TTN: variants seen among roughly 807,000 people sequenced by gnomAD.
TTN encodes connectin.
Under a neutral mutation model 3,223.0 loss-of-function variants are expected in TTN, and 1,525 were observed. The ratio of observed to expected loss-of-function variants is 0.47; its 90% confidence interval spans 0.45 to 0.49. The LOEUF (loss-of-function observed/expected upper bound fraction) is 0.49. Ranked by LOEUF, TTN falls within the 20% of genes least tolerant of loss-of-function variation. The pLI is 0.00. For missense variants in TTN, 40,786 were observed against 43,424.0 expected (o/e 0.94, Z 5.40); for synonymous variants, 14,094 against 15,161.0 (o/e 0.93, Z 5.17).
chr2:178,764,867 A>G, intron 41 of TTN, 56 bp from the exon 42 acceptor site: 1 of 1,598,456 alleles, frequency 6.3e-7, no homozygotes, highest in Non-Finnish European at 8.5e-7. Context: ...ACAAGAGAGC[A>G]TGCAAAACTC....
At position 178,715,745 on chromosome 2, in the gene TTN, G is replaced by T; in HGVS notation, c.25669C>A (p.Pro8557Thr). Residue 8557 changes from proline (P) to threonine (T), a missense_variant, in exon 89 of 363, where the codon CCT (proline) becomes ACT (threonine). By Grantham distance (38) the Pro-to-Thr change is conservative. Transcript: ENST00000589042. ...EPPRFIKKLE[P>T]SRIVKQDEFT... ...TCATCCTGTTTCACAATTCTTGAAG[G>T]TTCTAGCTTCTTAATGAACCTGGGT... The T allele has an allele frequency of 6.3e-7, 1 of 1,590,018 alleles. No individual in the cohort carries two copies. The highest frequency in any genetic ancestry group is 8.6e-7 in the Non-Finnish European group (1 of 1,166,648).
chr2:178,792,090 T>A lies in TTN; in HGVS notation c.1644A>T (p.Lys548Asn). Residue 548 changes from lysine (K) to asparagine (N), a missense_variant, in exon 10 of 363, where the codon AAA becomes AAT. By Grantham distance (94) the Lys-to-Asn change is moderately conservative (BLOSUM62 0). Transcript: ENST00000589042. ...RISEEITKKQKQVTQEAIRQE... is the reference protein window; with the variant it reads ...RISEEITKKQNQVTQEAIRQE... ...GACTTACTGCTTCTTGAGTTACTTG[T>A]TTCTGTTTCTTAGTAATTTCTTCAG... 6.2e-7 allele frequency: 1 copy of A among 1,612,670 alleles called. No individual in the cohort carries two copies.
chr2:178,651,655 G>A lies in TTN; in HGVS notation c.39463+11C>T, dbSNP rs767146567. 14 of 1,613,156 alleles carry A rather than the reference G, an allele frequency of 8.7e-6. No individual in the cohort carries two copies. The highest frequency in any genetic ancestry group is 1.2e-5 in the Non-Finnish European group (14 of 1,179,506). On this transcript the variant is annotated intron_variant, in intron 206 of 362. Coordinates refer to ENST00000589042, the MANE Select transcript of TTN (RefSeq NM_001267550.2). ...GTTTTTTGTTAGGGAGTTAGTGGCA[G>A]TGAGGAATACCTTTCACTGGTGGTA... is the stretch of plus-strand genomic sequence containing the variant.
rs776957882 is a variant in TTN, at chr2:178,603,885, C to A, written c.54802G>T (p.Asp18268Tyr). ...SEPSDPEVAG[D>Y]PIFPPGPPSC... Reference sequence around the variant, plus strand: ...ACGGAAGCATACTTACATATGGGATCTCCTGCAACCTCTGGATCTGATGGT... The same window carrying A: ...ACGGAAGCATACTTACATATGGGATATCCTGCAACCTCTGGATCTGATGGT... The change falls in exon 282 of 363, where the codon GAT becomes TAT. Residue 18268 changes from aspartate to tyrosine, a missense_variant. By Grantham distance (160) the Asp-to-Tyr change is radical. Transcript: ENST00000589042. 1 of 1,582,386 alleles carries A rather than the reference C, an allele frequency of 6.3e-7. No homozygotes were observed. The highest frequency in any genetic ancestry group is 2.3e-5 in the East Asian group (1 of 44,046).
chr2:178,667,733 T>G lies in TTN; in HGVS notation c.35546-12A>C. The G allele has an allele frequency of 1.3e-6, 2 of 1,515,768 alleles. No individual in the cohort carries two copies. The highest frequency in any genetic ancestry group is 1.8e-6 in the Non-Finnish European group (2 of 1,115,112). The allele number at this position is 1,515,768 out of a possible 1,614,324, so 93.9% of individuals were successfully genotyped here. The stretch of plus-strand genomic sequence containing the variant: ...AGATGCTTCATAAACTTTAAAGATA[T>G]TAGTATTTAAATAATTAGGATGTTT... On this transcript the variant is annotated splice_polypyrimidine_tract_variant and intron_variant, in intron 159 of 362. Transcript: ENST00000589042.
intron 41 of TTN, among the ~76,000 whole-genome samples, chr2:178,765,239 G>A (rs2090161657): frequency 6.6e-6 from 1 of 152,140 alleles, no homozygotes; most frequent in Admixed American, 6.5e-5. Flanking sequence ...AAGTATTTGT[G>A]TTTATGTCAT....
intron 155 of TTN, 24 bp downstream of exon 155, chr2:178,671,947 T>C: frequency 6.3e-7 from 1 of 1,576,240 alleles, no homozygotes. Flanking sequence ...TAAGAATTTG[T>C]AGTATTTGAA....
In TTN at chr2:178,741,216, C is replaced by T. The variant is rs1366799021; in HGVS notation, c.12017G>A (p.Ser4006Asn). 2.5e-6 allele frequency: 4 copies of T among 1,613,308 alleles called. No homozygotes were observed. Among genetic ancestry groups the T allele is most frequent in the East Asian group, 4.5e-5 (2 of 44,866 alleles). The change falls in exon 48 of 363, where the codon AGT (serine) becomes AAT (asparagine). Residue 4006 changes from serine to asparagine, a missense_variant. By Grantham distance (46) the Ser-to-Asn change is conservative (BLOSUM62 1). Coordinates refer to ENST00000589042, the MANE Select transcript of TTN (RefSeq NM_001267550.2). ...FIVNDPQRED[S>N]GLYICKAENM... is the part of the protein sequence containing the mutation. ...CTCTGCTTTACAGATATAGAGGCCA[C>T]TGTCTTCCCTCTGAGGGTCATTGAC...
At chr2:178,754,800 G>A (rs933869999) in intron 46 of TTN, among the ~76,000 whole-genome samples, 1 of 152,128 alleles carries the variant, frequency 6.6e-6, no homozygotes, top group Non-Finnish European at 1.5e-5. Context: ...TGTAGGCTAC[G>A]GTGACAGAAT....
Position 178,564,642 on chromosome 2 carries a change from A to G in TTN, c.81490T>C (p.Cys27164Arg). ...TCACATGGATCACGAGCAACAAAGC[A>G]TTCTGACACTTTGCTAGGCTTGCCA... The part of the protein sequence containing the change: ...GIGKPSKVSE[C>R]FVARDPCDPP... The change falls in exon 326 of 363, where the codon TGC (cysteine) becomes CGC (arginine). Residue 27164 changes from cysteine to arginine, a missense_variant. By Grantham distance (180) the Cys-to-Arg change is radical. Transcript: ENST00000589042. 6.2e-7 allele frequency: 1 copy of G among 1,613,590 alleles called. No homozygotes were observed. Among genetic ancestry groups the G allele is most frequent in the East Asian group, 2.2e-5 (1 of 44,770 alleles).
intron 125 of TTN, 81 bp downstream of exon 125, chr2:178,688,972 T>C: frequency 6.9e-7 from 1 of 1,457,510 alleles, no homozygotes; most frequent in South Asian, 1.2e-5. Flanking sequence ...ACAGACCAGA[T>C]GGAAAAAGCA....
intron 242 of TTN, 52 bp downstream of exon 242, chr2:178,624,413 G>C: frequency 6.2e-7 from 1 of 1,603,888 alleles, no homozygotes; most frequent in South Asian, 1.1e-5. Context: ...TTTTGTTGTT[G>C]TAGTTATTAA....
At position 178,588,301 on chromosome 2, in the gene TTN, C is replaced by G. The variant is rs1559558600; in HGVS notation, c.63188-82G>C. Reference sequence around the variant, plus strand: ...TTTATATAGCCTATTCTCAGTTAATCAAATATAGGTCATCCAATTTTTCAA... The same window carrying G: ...TTTATATAGCCTATTCTCAGTTAATGAAATATAGGTCATCCAATTTTTCAA... On this transcript the variant is annotated intron_variant, in intron 304 of 362. Transcript: ENST00000589042. 12 of 1,317,306 alleles carry G rather than the reference C, an allele frequency of 9.1e-6. No individual in the cohort carries two copies. The South Asian group carries it at 1.5e-4, about 17-fold the overall frequency. The allele number at this position is 1,317,306 out of a possible 1,614,324, so 81.6% of individuals were successfully genotyped here.
Position 178,536,310 on chromosome 2 carries a change from A to C in TTN, c.100437T>G (p.Ser33479Arg). The C allele has an allele frequency of 6.2e-7, 1 of 1,613,532 alleles. No homozygotes were observed. Among genetic ancestry groups the C allele is most frequent in the Non-Finnish European group, 8.5e-7 (1 of 1,179,696 alleles). ...TGGGAGTGATGGGTTCTGATATTTC[A>C]CTCCATTCACTTTCCCCACCTAGAT... ...CENLGGESEW[S>R]EISEPITPKS... Residue 33479 changes from serine (S) to arginine (R), a missense_variant, in exon 357 of 363, where the codon AGT becomes AGG. Ser to Arg is a moderately radical substitution (Grantham distance 110, BLOSUM62 -1). Transcript: ENST00000589042.
Position 178,670,230 on chromosome 2 carries a change from G to T in TTN, c.35374C>A (p.Pro11792Thr), listed in dbSNP as rs727505111. 1 of 1,476,712 alleles carries T rather than the reference G, an allele frequency of 6.8e-7. No homozygotes were observed. Among genetic ancestry groups the T allele is most frequent in the Admixed American group, 2.4e-5 (1 of 40,820 alleles). The allele number at this position is 1,476,712 out of a possible 1,614,324, so 91.5% of individuals were successfully genotyped here. ...AAAAGCCAGTTACCTTTAGTTGGTG[G>T]AACTCTGGGCTCTTCAGGAACACGT... is the stretch of plus-strand genomic sequence containing the variant. ...KVRVPEEPRV[P>T]PTKAPEVPKK... is the part of the protein sequence containing the mutation. The change falls in exon 157 of 363, where the codon CCA becomes ACA. Residue 11792 changes from proline (P) to threonine (T), a missense_variant. Pro to Thr is a conservative substitution (Grantham distance 38, BLOSUM62 -1). Transcript: ENST00000589042.
intron 20 of TTN, among the ~76,000 whole-genome samples, chr2:178,781,905 A>AGT (rs139001573): frequency 0.45 from 67,249 of 149,678 alleles, 15,165 homozygotes; most frequent in Admixed American, 0.58. Context: ...CTTTTCTGGA[A>AGT]GTGTGTGTGT....
At position 178,675,105 on chromosome 2, in the gene TTN, C is replaced by T; in HGVS notation, c.34546G>A (p.Val11516Met). 6.4e-7 allele frequency: 1 copy of T among 1,557,746 alleles called. No homozygotes were observed. Among genetic ancestry groups the T allele is most frequent in the Non-Finnish European group, 8.6e-7 (1 of 1,157,834 alleles). Residue 11516 changes from valine to methionine, a missense_variant, in exon 150 of 363, where the codon GTG becomes ATG. Physicochemically the swap from Val to Met is conservative, Grantham distance 21 (BLOSUM62 1). Coordinates refer to ENST00000589042, the MANE Select transcript of TTN (RefSeq NM_001267550.2). ...AVAPPAKVPEVPKKVEEKRII... is the reference protein window; with the variant it reads ...AVAPPAKVPEMPKKVEEKRII... ...CGTTTTTCTTCCACCTTCTTAGGCA[C>T]CTCAGGAACTTGAGAGACATTGATT...
rs748254268 is a variant in TTN, at chr2:178,578,127, A to G, written c.68388T>C (p.Thr22796=). The G allele has an allele frequency of 1.9e-6, 3 of 1,613,168 alleles. No individual in the cohort carries two copies. The highest frequency in any genetic ancestry group is 1.7e-5 in the Admixed American group (1 of 59,978). Residue 22796 remains threonine (T), a synonymous_variant, in exon 322 of 363, where the codon ACT becomes ACC. Coordinates refer to ENST00000589042, the MANE Select transcript of TTN (RefSeq NM_001267550.2). ...NSLLWKRANK[T]PIRMRDFKVT... Reference sequence around the variant, plus strand: ...CTTTAAAGTCTCTCATCCTTATCGGAGTCTTGTTAGCTCTCTTCCACAAAA... The same window carrying G: ...CTTTAAAGTCTCTCATCCTTATCGGGGTCTTGTTAGCTCTCTTCCACAAAA...
chr2:178,579,869 T>C (rs780142190), intron 318 of TTN, 21 bp from the exon 319 acceptor site: 1 of 1,612,264 alleles, frequency 6.2e-7, no homozygotes, highest in Non-Finnish European at 8.5e-7. Flanking sequence ...GGAGAAATGA[T>C]AAGTGTAAGC....
Sources: allele counts gnomAD v4.1 joint callset (sites outside exome capture counted in the v4.1 genomes callset), GRCh38; gene constraint gnomAD v4.1.1; transcripts MANE v1.5; gene names NCBI Gene and HGNC (gene_info 2026-07-23, HGNC 2026-07-21).